The following ASAH1 variants were observed in gnomAD, a reference collection of about 807,000 sequenced individuals.
ASAH1 encodes acid ceramidase.
ASAH1 carries 70 observed loss-of-function variants against 59.5 expected under a neutral mutation model. The observed-to-expected ratio is 1.18, with a 90% confidence interval of 0.97 to 1.43. The LOEUF (loss-of-function observed/expected upper bound fraction) is 1.43. Ranked by LOEUF, ASAH1 falls within the 40% of genes most tolerant of loss-of-function variation. The probability of loss-of-function intolerance (pLI) is 0.00; values close to 1 mark genes in which losing one functional copy is unlikely to be tolerated. For missense variants in ASAH1, 660 were observed against 482.5 expected (o/e 1.37, Z -3.45); for synonymous variants, 213 against 166.5 (o/e 1.28, Z -2.15).
Position 18,084,024 on chromosome 8 carries a change from A to T in ASAH1, c.35T>A (p.Leu12Gln). 1 of 1,598,404 alleles carries T rather than the reference A, an allele frequency of 6.3e-7. No homozygotes were observed. Among genetic ancestry groups the T allele is most frequent in the East Asian group, 2.2e-5 (1 of 44,614 alleles). ...GACGGCACAGCTGACGGCGGCAGCC[A>T]GGAGGACTAAGGCGACGCAACTCCG... Reference protein sequence around the residue: ...PGRSCVALVLLAAAVSCAVAQ... With the variant: ...PGRSCVALVLQAAAVSCAVAQ... The change falls in exon 1 of 14, where the codon CTG (leucine) becomes CAG (glutamine). Residue 12 changes from leucine to glutamine, a missense_variant. Transcript: ENST00000637790.
chr8:18,061,993 C>G (rs1011635614), intron 8 of ASAH1: 2 of 621,518 alleles, frequency 3.2e-6, no homozygotes, highest in Admixed American at 5.8e-5. Flanking sequence ...GAACGCCTGA[C>G]TTGCCTAAGT....
At chr8:18,063,084 G>T (rs1799775025) in intron 7 of ASAH1, 101 bp downstream of exon 7, 7 of 1,070,232 alleles carry the variant, frequency 6.5e-6, no homozygotes, top group African/African-American at 1.6e-5. Flanking sequence ...TGGCCAGGCT[G>T]GTCTTGAACT....
chr8:18,080,839 T>C (rs1398139218), intron 1 of ASAH1, among the ~76,000 whole-genome samples: 1 of 152,244 alleles, frequency 6.6e-6, no homozygotes, highest in African/African-American at 2.4e-5. Flanking sequence ...ATTACAGGCA[T>C]GAGCCACCGC....
Position 18,056,862 on chromosome 8 carries a change from A to G in ASAH1, c.*672T>C, listed in dbSNP as rs2117008312. The G allele has an allele frequency of 6.6e-6, 1 of 152,310 alleles. No individual in the cohort carries two copies. Among genetic ancestry groups the G allele is most frequent in the South Asian group, 2.1e-4 (1 of 4,824 alleles). The allele number at this position is 152,310 out of a possible 1,614,324, so 9.4% of individuals were successfully genotyped here. A position where few individuals can be genotyped will look rare whatever the true frequency, so the allele number is the denominator to read the frequency against. On this transcript the variant is annotated 3_prime_UTR_variant, in exon 14 of 14. Transcript: ENST00000637790. The stretch of plus-strand genomic sequence containing the variant: ...CTGGGAAGTAGAGTAATTATGAAAA[A>G]GGGAACACTTCAATTATTGTATAAA...
rs34574502 is a variant in ASAH1 at position 18,057,362 on chromosome 8, G to GAA, written c.*170_*171dup. The GAA allele has an allele frequency of 2.9e-5, 12 of 412,374 alleles. No homozygotes were observed. Among genetic ancestry groups the GAA allele is most frequent in the South Asian group, 4.6e-5 (2 of 43,784 alleles). 25.5% of individuals were successfully genotyped at this position (412,374 alleles called of 1,614,324 possible). On this transcript the variant is annotated 3_prime_UTR_variant, in exon 14 of 14. Coordinates refer to ENST00000637790, the MANE Select transcript of ASAH1 (RefSeq NM_177924.5). ...AATAAGAAAAATCAACTGATAGGGG[G>GAA]AAAAAAAAAAGATCTGTCATTTGTC...
At chr8:18,075,469 T>C (rs1362244868) in intron 2 of ASAH1, 72 bp downstream of exon 2, 1 of 1,430,674 alleles carries the variant, frequency 7.0e-7, no homozygotes, top group Non-Finnish European at 9.9e-7. Flanking sequence ...CGTTCGTTTA[T>C]GAGCAATTAT....
At chr8:18,072,110 T>C (rs189002924) in intron 2 of ASAH1, among the ~76,000 whole-genome samples, 5 of 152,376 alleles carry the variant, frequency 3.3e-5, no homozygotes, top group Admixed American at 1.3e-4. Context: ...GGATGAATTC[T>C]ACAACTATTT....
chr8:18,074,191 TAATC>T (rs745510769), intron 2 of ASAH1, among the ~76,000 whole-genome samples: 7 of 152,108 alleles, frequency 4.6e-5, no homozygotes, highest in Non-Finnish European at 1.0e-4. Context: ...CAGAGAGACA[TAATC>T]AATCAGTAAG....
Position 18,069,876 on chromosome 8 carries a change from T to C in ASAH1, c.219A>G (p.Leu73=), listed in dbSNP as rs141785977. The C allele has an allele frequency of 1.7e-5, 27 of 1,573,296 alleles. No homozygotes were observed. In the African/African-American group the frequency reaches 3.2e-4, roughly 19 times the overall value. The change falls in exon 4 of 14, where the codon CTA becomes CTG. Residue 73 remains leucine (L), a splice_region_variant and synonymous_variant. Transcript: ENST00000637790. ...HELMLDKAPV[L]KVIVNSLKNM... is the part of the protein sequence containing the mutation. ...TCTTCAGAGAATTCACTATAACCTTTAGCTGAAAAATAAATAAAATGCTTA... is the reference window on the plus strand; with the variant it reads ...TCTTCAGAGAATTCACTATAACCTTCAGCTGAAAAATAAATAAAATGCTTA...
At chr8:18,082,233 T>G (rs1351986215) in intron 1 of ASAH1, among the ~76,000 whole-genome samples, 2 of 152,210 alleles carry the variant, frequency 1.3e-5, no homozygotes, top group Admixed American at 6.5e-5. Context: ...GAGAGGTTGT[T>G]AATTCTTCTT....
At chr8:18,075,002 C>CTTTTTTTTTTTTTTTT (rs1179307675) in intron 2 of ASAH1, among the ~76,000 whole-genome samples, 2 of 140,274 alleles carry the variant, frequency 1.4e-5, no homozygotes, top group African/African-American at 5.3e-5. Context: ...AAATCCTTTC[C>CTTTTTTTTTTTTTTTT]TTTTTTTTTT....
chr8:18,070,772 G>C (rs1800137399), intron 3 of ASAH1, among the ~76,000 whole-genome samples: 1 of 152,046 alleles, frequency 6.6e-6, no homozygotes, highest in South Asian at 2.1e-4. Context: ...GGGCAGAAAG[G>C]TATCAAAAGC....
intron 2 of ASAH1, among the ~76,000 whole-genome samples, chr8:18,073,931 T>C (rs35282598): frequency 0.068 from 10,291 of 152,248 alleles, 426 homozygotes; most frequent in African/African-American, 0.1. Context: ...GTTATGTCCA[T>C]GTATACACGT....
chr8:18,067,100 T>TTCACCTGTGCTGTATATGTAAGACATACA, intron 5 of ASAH1, 120 bp downstream of exon 5: 1 of 548,496 alleles, frequency 1.8e-6, no homozygotes, highest in Non-Finnish European at 3.0e-6. Context: ...CTAAGACCTG[T>TTCACCTGTGCTGTATATGTAAGACATACA]GCACCTGTGC....
At position 18,059,702 on chromosome 8, in the gene ASAH1, A is replaced by G. The variant is rs1399421157; in HGVS notation, c.787T>C (p.Tyr263His). Residue 263 changes from tyrosine to histidine, a missense_variant and splice_region_variant, in exon 11 of 14, where the codon TAT becomes CAT. Physicochemically the swap from Tyr to His is moderately conservative, Grantham distance 83. Transcript: ENST00000637790. ...TRTVLENSTS[Y>H]EEAKNLLTKT... is the part of the protein sequence containing the mutation. Reference sequence around the variant, plus strand: ...GTCAATAAATTCTTGGCTTCTTCATAACTATATAGAAACATTTAAAAAGAA... The same window carrying G: ...GTCAATAAATTCTTGGCTTCTTCATGACTATATAGAAACATTTAAAAAGAA... The G allele has an allele frequency of 6.2e-7, 1 of 1,612,430 alleles. No individual in the cohort carries two copies. Among genetic ancestry groups the G allele is most frequent in the Non-Finnish European group, 8.5e-7 (1 of 1,179,338 alleles).
rs1344423965 is a variant in ASAH1, at chr8:18,059,776, ATTTTAC to A, written c.786-79_786-74del. The A allele has an allele frequency of 5.6e-6, 8 of 1,430,950 alleles. No individual in the cohort carries two copies. In the East Asian group the frequency reaches 2.0e-4, roughly 36 times the overall value. The allele number at this position is 1,430,950 out of a possible 1,614,324, so 88.6% of individuals were successfully genotyped here. ...AGTAAATAACTTCATTTATTTTTAAATTTTACTTTAAGTTCTGGGACACATGTGCTG... is the reference window on the plus strand; with the variant it reads ...AGTAAATAACTTCATTTATTTTTAAATTTAAGTTCTGGGACACATGTGCTG... On this transcript the variant is annotated intron_variant, in intron 10 of 13. Coordinates refer to ENST00000637790, the MANE Select transcript of ASAH1 (RefSeq NM_177924.5).
At chr8:18,067,128 C>CAGCACCTGTGCTGTATATCTAAGACATAG (rs1193115130) in intron 5 of ASAH1, 92 bp downstream of exon 5, 7 of 563,032 alleles carry the variant, frequency 1.2e-5, no homozygotes, top group Non-Finnish European at 4.8e-6. Flanking sequence ...CTAAGACATA[C>CAGCACCTGTGCTGTATATCTAAGACATAG]AGCACCTGTG....
At chr8:18,084,293 A>G (rs1183398885), upstream of ASAH1, 5 of 1,433,952 alleles carry the variant, frequency 3.5e-6, no homozygotes, top group Non-Finnish European at 2.7e-6. Context: ...CTACCTGCAG[A>G]AGGAGAGTCG....
intron 1 of ASAH1, 77 bp from the exon 2 acceptor site, chr8:18,075,664 A>C: frequency 7.5e-7 from 1 of 1,339,982 alleles, no homozygotes; most frequent in East Asian, 2.3e-5. Context: ...AAAGTAGTTA[A>C]TCTGTGAAGA....
Sources: allele counts gnomAD v4.1 joint callset (sites outside exome capture counted in the v4.1 genomes callset), GRCh38; gene constraint gnomAD v4.1.1; transcripts MANE v1.5; gene names NCBI Gene and HGNC (gene_info 2026-07-23, HGNC 2026-07-21).